Variants in NEK4 observed in about 807,000 individuals in gnomAD.
NEK4 encodes the protein serine/threonine-protein kinase Nek4.
Under a neutral mutation model 98.4 loss-of-function variants are expected in NEK4, and 86 were observed. The observed-to-expected ratio is 0.87, with a 90% CI of 0.73 to 1.05. NEK4 has a LOEUF of 1.05. NEK4 is among the 50% of genes least tolerant of loss of function. The probability of loss-of-function intolerance (pLI) is 0.00; values close to 1 mark genes in which losing one functional copy is unlikely to be tolerated. For synonymous variants in NEK4, 328 were observed against 342.2 expected, an observed-to-expected ratio of 0.96 and a Z score of 0.46; for missense variants, 898 against 950.3, an observed-to-expected ratio of 0.94 and a Z score of 0.72.
intron 15 of NEK4, among the ~76,000 whole-genome samples, chr3:52,729,217 C>T (rs1176055221): frequency 4.6e-5 from 7 of 152,224 alleles, no homozygotes; most frequent in East Asian, 1.9e-4. Context: ...GTGGGCATCA[C>T]GGTCCTACTG....
intron 6 of NEK4, chr3:52,754,766 T>C (rs930075554): frequency 1.1e-5 from 4 of 368,246 alleles, no homozygotes; most frequent in Admixed American, 3.6e-5. Context: ...CCAATGGCAA[T>C]GGACAGCTTG....
At chr3:52,769,914 G>C (rs1698713501) in intron 1 of NEK4, among the ~76,000 whole-genome samples, 1 of 152,354 alleles carries the variant, frequency 6.6e-6, no homozygotes, top group East Asian at 1.9e-4. Context: ...AGGCTGCAGT[G>C]AAAGTGATGG....
At position 52,770,836 on chromosome 3, in the gene NEK4, G is replaced by A; in HGVS notation, c.-90C>T. ...AAGAAGCTCGGTTCATGCCCGAGAG[G>A]GGGCAGTGGGGGCGGCTGTTGAGGC... On this transcript the variant is annotated 5_prime_UTR_variant, in exon 1 of 16. Transcript: ENST00000233027. The A allele has an allele frequency of 8.8e-7, 1 of 1,133,712 alleles. No homozygotes were observed. Among genetic ancestry groups the A allele is most frequent in the East Asian group, 2.6e-5 (1 of 38,638 alleles). The allele number at this position is 1,133,712 out of a possible 1,614,324, so 70.2% of individuals were successfully genotyped here.
At chr3:52,726,204 G>A (rs546691637) in intron 15 of NEK4, among the ~76,000 whole-genome samples, 1 of 152,274 alleles carries the variant, frequency 6.6e-6, no homozygotes, top group South Asian at 2.1e-4. Context: ...TTGATGGTTT[G>A]TTTTTAGGTG....
At chr3:52,769,703 C>T (rs1578716013) in intron 1 of NEK4, among the ~76,000 whole-genome samples, 1 of 152,230 alleles carries the variant, frequency 6.6e-6, no homozygotes, top group African/African-American at 2.4e-5. Flanking sequence ...CTCTTCTCAG[C>T]TTGCCTGGAG....
At chr3:52,739,137 C>A (rs2097381255) in intron 14 of NEK4, among the ~76,000 whole-genome samples, 1 of 152,192 alleles carries the variant, frequency 6.6e-6, no homozygotes, top group African/African-American at 2.4e-5. Context: ...TGGTGGCTCA[C>A]ACCTGTAATC....
intron 14 of NEK4, among the ~76,000 whole-genome samples, chr3:52,738,229 T>A (rs1160063123): frequency 6.6e-6 from 1 of 151,862 alleles, no homozygotes; most frequent in African/African-American, 2.4e-5. Flanking sequence ...GCCTCAGCCT[T>A]CCAAGTAACC....
Position 52,711,544 on chromosome 3 carries a change from A to G in NEK4, c.*233T>C, listed in dbSNP as rs1472865226. ...AGTAAACAGTAATCAAACAAACAAC[A>G]GATTTGTCCTCACAAAGAGAATATG... On this transcript the variant is annotated 3_prime_UTR_variant, in exon 16 of 16. Coordinates refer to ENST00000233027, the MANE Select transcript of NEK4 (RefSeq NM_003157.6). 2.8e-6 allele frequency: 1 copy of G among 363,148 alleles called. No individual in the cohort carries two copies. Among genetic ancestry groups the G allele is most frequent in the African/African-American group, 2.1e-5 (1 of 47,584 alleles). The allele number at this position is 363,148 out of a possible 1,614,324, so 22.5% of individuals were successfully genotyped here. A position where few individuals can be genotyped will look rare whatever the true frequency, so the allele number is the denominator to read the frequency against.
At chr3:52,755,123 A>G (rs1289637803) in intron 6 of NEK4, among the ~76,000 whole-genome samples, 1 of 151,826 alleles carries the variant, frequency 6.6e-6, no homozygotes, top group East Asian at 1.9e-4. Context: ...ACAATGAAAA[A>G]AAAAAAAAGA....
At chr3:52,718,633 A>G (rs2097357389) in intron 15 of NEK4, among the ~76,000 whole-genome samples, 2 of 152,092 alleles carry the variant, frequency 1.3e-5, no homozygotes, top group South Asian at 4.1e-4. Context: ...TTCACAACCC[A>G]ATGCCTGCCC....
At chr3:52,751,306 A>C (rs1185720842) in intron 7 of NEK4, among the ~76,000 whole-genome samples, 1 of 152,108 alleles carries the variant, frequency 6.6e-6, no homozygotes, top group Non-Finnish European at 1.5e-5. Flanking sequence ...ATACAAAAAA[A>C]TTAGCCAGGT....
intron 15 of NEK4, chr3:52,733,208 T>C (rs1474063444): frequency 8.7e-6 from 2 of 230,730 alleles, no homozygotes; most frequent in Non-Finnish European, 1.8e-5. Flanking sequence ...AATGCAGTAA[T>C]GTGGCAAGGT....
At position 52,743,434 on chromosome 3, in the gene NEK4, C is replaced by G. The variant is rs1398794089; in HGVS notation, c.1922G>C (p.Ser641Thr). ...SGPSVRKASL[S>T]VAGPGKPQEE... ...CTGGGGTTTTCCTGGCCCTGCTACACTCAGAGACGCTTTCCTCACTGAAGG... is the reference window on the plus strand; with the variant it reads ...CTGGGGTTTTCCTGGCCCTGCTACAGTCAGAGACGCTTTCCTCACTGAAGG... The change falls in exon 12 of 16, where the codon AGT becomes ACT. Residue 641 changes from serine (S) to threonine (T), a missense_variant. Ser to Thr is a moderately conservative substitution (Grantham distance 58, BLOSUM62 1). Transcript: ENST00000233027. 1 of 1,614,138 alleles carries G rather than the reference C, an allele frequency of 6.2e-7. No homozygotes were observed. Among genetic ancestry groups the G allele is most frequent in the Admixed American group, 1.7e-5 (1 of 60,012 alleles).
chr3:52,738,581 G>A (rs2097380333), intron 14 of NEK4, among the ~76,000 whole-genome samples: 1 of 152,030 alleles, frequency 6.6e-6, no homozygotes, highest in African/African-American at 2.4e-5. Flanking sequence ...CGCCTGAGTA[G>A]CTGGGACTAC....
chr3:52,764,779 C>CACACAT (rs1491345473), intron 4 of NEK4, among the ~76,000 whole-genome samples: 4 of 2,368 alleles, frequency 1.7e-3, no homozygotes, highest in Non-Finnish European at 2.7e-3. Flanking sequence ...CACACACATG[C>CACACAT]ACACACACAC....
intron 15 of NEK4, among the ~76,000 whole-genome samples, chr3:52,731,780 G>T (rs1393184147): frequency 6.6e-6 from 1 of 152,154 alleles, no homozygotes. Context: ...CTCGTCCTCC[G>T]AAAGTATGGT....
At chr3:52,730,422 C>G (rs1341971548) in intron 15 of NEK4, among the ~76,000 whole-genome samples, 1 of 152,138 alleles carries the variant, frequency 6.6e-6, no homozygotes, top group Non-Finnish European at 1.5e-5. Context: ...GGGGTAATTC[C>G]TGGTTCATTT....
rs556270898 is a variant in NEK4 at position 52,748,079 on chromosome 3, C to T, written c.1507-1175G>A. ...GGTTCACGCCATTCTCCTGCCTCAG[C>T]CTCCCGAGTAGCTGGGACTACAGGT... On this transcript the variant is annotated intron_variant, in intron 8 of 15. Coordinates refer to ENST00000233027, the MANE Select transcript of NEK4 (RefSeq NM_003157.6). Among the ~76,000 whole-genome samples, 11 of 152,082 alleles carry T rather than the reference C, an allele frequency of 7.2e-5. No homozygotes were observed. In the East Asian group the frequency reaches 1.7e-3, roughly 24 times the overall value.
At chr3:52,750,096 G>A (rs1345567932) in intron 7 of NEK4, among the ~76,000 whole-genome samples, 1 of 152,092 alleles carries the variant, frequency 6.6e-6, no homozygotes, top group African/African-American at 2.4e-5. Context: ...TCTACCCCTA[G>A]GTACATACTC....
Sources: allele counts gnomAD v4.1 joint callset (sites outside exome capture counted in the v4.1 genomes callset), GRCh38; gene constraint gnomAD v4.1.1; transcripts MANE v1.5; gene names NCBI Gene and HGNC (gene_info 2026-07-23, HGNC 2026-07-21).